TMEM196: variants seen among roughly 807,000 people sequenced by gnomAD.
TMEM196 encodes the protein transmembrane protein 196.
TMEM196 carries 17 observed loss-of-function variants against 20.0 expected under a neutral mutation model. The observed-to-expected ratio is 0.85, with a 90% confidence interval of 0.58 to 1.27. The LOEUF (loss-of-function observed/expected upper bound fraction) is 1.27. TMEM196 is among the 50% of genes most tolerant of loss of function. The pLI is 0.00. For synonymous variants in TMEM196, 113 were observed against 88.9 expected (o/e 1.27, Z -1.52); for missense variants, 267 against 223.0 (o/e 1.20, Z -1.26).
At chr7:19,729,263 T>TC (rs2128015580) in intron 2 of TMEM196, 119 bp downstream of exon 2, 2 of 660,656 alleles carry the variant, frequency 3.0e-6, no homozygotes, top group South Asian at 1.1e-4. Flanking sequence ...TCAGTTTTTT[T>TC]TTTTTTTGCC....
At chr7:19,722,772 G>A (rs1351883201) in intron 4 of TMEM196, among the ~76,000 whole-genome samples, 1 of 152,076 alleles carries the variant, frequency 6.6e-6, no homozygotes, top group Non-Finnish European at 1.5e-5. Flanking sequence ...AAATATAGAT[G>A]CAAAGGACAA....
intron 1 of TMEM196, among the ~76,000 whole-genome samples, chr7:19,758,459 A>G (rs1409169761): frequency 6.6e-6 from 1 of 152,178 alleles, no homozygotes; most frequent in African/African-American, 2.4e-5. Context: ...CTTTTGGTTG[A>G]AAGATTTTTT....
rs1462767794 is a variant in TMEM196 at position 19,772,571 on chromosome 7, C to T, written c.126G>A (p.Pro42=). ...SFSLALREHK[P]QLGDSSPFLL... The stretch of plus-strand genomic sequence containing the variant: ...ATACCGGGGACGAGTCTCCGAGCTG[C>T]GGCTTGTGCTCTCGGAGGGCCAGGC... The change falls in exon 1 of 5, where the codon CCG becomes CCA. Residue 42 remains proline (P), a synonymous_variant. Coordinates refer to ENST00000405844, the MANE Select transcript of TMEM196 (RefSeq NM_001363562.2). 1.9e-6 allele frequency: 3 copies of T among 1,544,892 alleles called. No individual in the cohort carries two copies. Among genetic ancestry groups the T allele is most frequent in the Non-Finnish European group, 1.7e-6 (2 of 1,144,738 alleles).
At chr7:19,742,743 C>G (rs1784621554) in intron 1 of TMEM196, among the ~76,000 whole-genome samples, 1 of 152,108 alleles carries the variant, frequency 6.6e-6, no homozygotes, top group Non-Finnish European at 1.5e-5. Flanking sequence ...AATAATTTTT[C>G]AAATAATGAC....
intron 1 of TMEM196, among the ~76,000 whole-genome samples, chr7:19,753,053 A>G (rs1341705022): frequency 6.6e-6 from 1 of 151,462 alleles, no homozygotes; most frequent in African/African-American, 2.4e-5. Context: ...TATTCTGTAC[A>G]CTCTCAGTTT....
chr7:19,752,750 GACT>G (rs1785038967), intron 1 of TMEM196, among the ~76,000 whole-genome samples: 1 of 151,932 alleles, frequency 6.6e-6, no homozygotes, highest in Non-Finnish European at 1.5e-5. Context: ...GAGTAGCTGG[GACT>G]ACAGGTGCGC....
intron 1 of TMEM196, among the ~76,000 whole-genome samples, chr7:19,730,190 G>GGCTT (rs1426584959): frequency 6.6e-6 from 1 of 151,662 alleles, no homozygotes; most frequent in Non-Finnish European, 1.5e-5. Context: ...TGGGAGGCGA[G>GGCTT]GCTTGCAGTG....
At chr7:19,752,271 A>C (rs1785017959) in intron 1 of TMEM196, among the ~76,000 whole-genome samples, 1 of 152,198 alleles carries the variant, frequency 6.6e-6, no homozygotes, top group Non-Finnish European at 1.5e-5. Flanking sequence ...TCAAAACATG[A>C]ATCTCAATCC....
chr7:19,771,394 A>G (rs1785875128), intron 1 of TMEM196, among the ~76,000 whole-genome samples: 1 of 152,182 alleles, frequency 6.6e-6, no homozygotes, highest in African/African-American at 2.4e-5. Context: ...GAAAAAATAT[A>G]TAAATCTAAT....
At chr7:19,723,653 G>C (rs1026650823) in intron 4 of TMEM196, among the ~76,000 whole-genome samples, 2 of 152,076 alleles carry the variant, frequency 1.3e-5, no homozygotes, top group Non-Finnish European at 2.9e-5. Flanking sequence ...ATTTGGGCTG[G>C]ACCAATGTGA....
Position 19,730,113 on chromosome 7 carries a change from G to T in TMEM196, c.148-675C>A, listed in dbSNP as rs141877794. ...CTACTAAAAATACAAAAAATTAGCC[G>T]GGCGTGGTGGCAGGCGCCTATGATC... On this transcript the variant is annotated intron_variant, in intron 1 of 4. Transcript: ENST00000405844. 3.9e-5 allele frequency among the ~76,000 whole-genome samples: 6 copies of T among 152,156 alleles called. No individual in the cohort carries two copies. The East Asian group carries it at 1.2e-3, about 29-fold the overall frequency.
chr7:19,755,185 C>G (rs151284113), intron 1 of TMEM196, among the ~76,000 whole-genome samples: 126 of 152,274 alleles, frequency 8.3e-4, no homozygotes, highest in African/African-American at 2.8e-3. Flanking sequence ...TCTACTTAGG[C>G]AAAATCTAAC....
intron 1 of TMEM196, among the ~76,000 whole-genome samples, chr7:19,763,791 C>G (rs1363861190): frequency 1.3e-5 from 2 of 152,070 alleles, no homozygotes; most frequent in African/African-American, 4.8e-5. Flanking sequence ...TTTTCAATAT[C>G]TAATGTGTAT....
intron 1 of TMEM196, among the ~76,000 whole-genome samples, chr7:19,764,614 G>A (rs12672557): frequency 0.19 from 28,452 of 152,100 alleles, 3,130 homozygotes; most frequent in East Asian, 0.47. Context: ...TCTTGCTTAT[G>A]CCTTTTATTA....
chr7:19,764,515 A>T (rs1471663120), intron 1 of TMEM196, among the ~76,000 whole-genome samples: 3 of 152,128 alleles, frequency 2.0e-5, no homozygotes, highest in African/African-American at 4.8e-5. Flanking sequence ...GACTTTACAA[A>T]TGTTAATAGT....
intron 2 of TMEM196, among the ~76,000 whole-genome samples, chr7:19,727,020 C>T (rs896717021): frequency 1.3e-5 from 2 of 152,134 alleles, no homozygotes; most frequent in African/African-American, 4.8e-5. Context: ...TTATTGATCT[C>T]CTCCTTTGTT....
At chr7:19,724,208 A>C (rs1783908969) in intron 4 of TMEM196, 72 bp downstream of exon 4, 1 of 1,341,284 alleles carries the variant, frequency 7.5e-7, no homozygotes, top group Non-Finnish European at 1.0e-6. Flanking sequence ...TGTTGACATC[A>C]TGGCTTTCTG....
At chr7:19,746,879 T>C (rs1030297254) in intron 1 of TMEM196, among the ~76,000 whole-genome samples, 4 of 152,262 alleles carry the variant, frequency 2.6e-5, no homozygotes, top group African/African-American at 9.6e-5. Context: ...GAATTATTAC[T>C]GCCTGATCTA....
At chr7:19,757,949 C>T (rs1181958522) in intron 1 of TMEM196, among the ~76,000 whole-genome samples, 2 of 146,972 alleles carry the variant, frequency 1.4e-5, no homozygotes, top group Non-Finnish European at 1.5e-5. Context: ...TGAATGAAGC[C>T]ATTTTTATAT....
Sources: gnomAD v4.1 joint callset for allele counts (sites outside exome capture counted in the v4.1 genomes callset) on GRCh38, gnomAD v4.1.1 for gene constraint, MANE v1.5 for transcripts, NCBI Gene and HGNC (gene_info 2026-07-23, HGNC 2026-07-21) for gene names.